Variants in CCSER1 observed in about 807,000 individuals in gnomAD.
The protein encoded by CCSER1 is coiled-coil serine rich protein 1, also known as serine-rich coiled-coil domain-containing protein 1.
A neutral mutation model predicts 82.0 loss-of-function variants in CCSER1; 41 were observed. That is an observed-to-expected ratio of 0.50 (90% CI 0.39 to 0.65). CCSER1 has a LOEUF of 0.65. CCSER1 is among the 30% of genes least tolerant of loss of function. The probability of loss-of-function intolerance (pLI) is 0.00; values close to 1 mark genes in which losing one functional copy is unlikely to be tolerated. For synonymous variants in CCSER1, 414 were observed against 383.9 expected, an observed-to-expected ratio of 1.08 and a Z score of -0.92; for missense variants, 1,119 against 1,064.2, an observed-to-expected ratio of 1.05 and a Z score of -0.72.
At chr4:90,808,312 A>G (rs1425506958) in intron 7 of CCSER1, among the ~76,000 whole-genome samples, 1 of 152,134 alleles carries the variant, frequency 6.6e-6, no homozygotes, top group East Asian at 1.9e-4. Context: ...AAGAGAAACG[A>G]TTCTGGACAT....
intron 7 of CCSER1, among the ~76,000 whole-genome samples, chr4:90,730,198 A>G (rs900437042): frequency 6.6e-6 from 1 of 152,240 alleles, no homozygotes; most frequent in Admixed American, 6.5e-5. Context: ...TCTGAAAGAC[A>G]GAAGCCAAAT....
chr4:90,218,258 A>T (rs1480434359), intron 1 of CCSER1, among the ~76,000 whole-genome samples: 1 of 152,170 alleles, frequency 6.6e-6, no homozygotes, highest in Non-Finnish European at 1.5e-5. Flanking sequence ...AACCAACCTT[A>T]CATCTCAGGA....
intron 10 of CCSER1, among the ~76,000 whole-genome samples, chr4:91,094,302 G>C (rs1724278180): frequency 6.6e-6 from 1 of 152,178 alleles, no homozygotes; most frequent in South Asian, 2.1e-4. Flanking sequence ...CCTGACCCCG[G>C]ATCTTCCCAC....
chr4:90,151,980 C>T (rs979728103), intron 1 of CCSER1, among the ~76,000 whole-genome samples: 7 of 152,072 alleles, frequency 4.6e-5, no homozygotes, highest in Admixed American at 2.0e-4. Flanking sequence ...TTATCTCCAG[C>T]TCTATTAAGT....
intron 3 of CCSER1, among the ~76,000 whole-genome samples, chr4:90,382,336 T>C (rs1188588548): frequency 1.3e-5 from 2 of 152,078 alleles, no homozygotes; most frequent in Non-Finnish European, 2.9e-5. Context: ...GTTTGTTTTA[T>C]TTTAGAGTAT....
intron 7 of CCSER1, among the ~76,000 whole-genome samples, chr4:90,731,520 T>C (rs1213990389): frequency 6.6e-6 from 1 of 152,188 alleles, no homozygotes. Context: ...TTTAGAAATA[T>C]GATTCATTAA....
intron 5 of CCSER1, among the ~76,000 whole-genome samples, chr4:90,530,433 A>G (rs553251061): frequency 2.0e-5 from 3 of 152,112 alleles, no homozygotes; most frequent in Non-Finnish European, 4.4e-5. Flanking sequence ...AAAAGTACAG[A>G]GATTGTTGCA....
At chr4:90,337,920 C>G (rs190121485) in intron 3 of CCSER1, among the ~76,000 whole-genome samples, 1 of 152,250 alleles carries the variant, frequency 6.6e-6, no homozygotes, top group Non-Finnish European at 1.5e-5. Context: ...TTCATTCAAT[C>G]TGGTGCAATA....
intron 1 of CCSER1, among the ~76,000 whole-genome samples, chr4:90,224,510 G>A (rs1464128693): frequency 6.6e-6 from 1 of 152,036 alleles, no homozygotes; most frequent in Non-Finnish European, 1.5e-5. Flanking sequence ...TGTGTTTATC[G>A]TTTGCTATCC....
At chr4:91,309,326 G>A (rs1745284699) in intron 10 of CCSER1, among the ~76,000 whole-genome samples, 3 of 146,858 alleles carry the variant, frequency 2.0e-5, no homozygotes, top group Admixed American at 7.0e-5. Context: ...TCTTCAAGGA[G>A]GCCACTGATG....
At chr4:90,584,661 C>T (rs1330662329) in intron 5 of CCSER1, among the ~76,000 whole-genome samples, 1 of 152,032 alleles carries the variant, frequency 6.6e-6, no homozygotes, top group East Asian at 1.9e-4. Flanking sequence ...ATAAATTTAG[C>T]CAGGAAAATA....
At chr4:91,272,901 C>CT (rs764750758) in intron 10 of CCSER1, among the ~76,000 whole-genome samples, 13 of 152,038 alleles carry the variant, frequency 8.6e-5, no homozygotes, top group East Asian at 1.9e-4. Flanking sequence ...GATTGGTTGG[C>CT]TGTAAGTATT....
intron 8 of CCSER1, among the ~76,000 whole-genome samples, chr4:90,902,126 T>C (rs1231837439): frequency 6.6e-6 from 1 of 151,900 alleles, no homozygotes; most frequent in Non-Finnish European, 1.5e-5. Context: ...TTTTCAATAC[T>C]ATAAGTTCTA....
At chr4:91,513,483 A>T (rs1434759375) in intron 10 of CCSER1, among the ~76,000 whole-genome samples, 6 of 151,994 alleles carry the variant, frequency 3.9e-5, no homozygotes, top group Non-Finnish European at 8.8e-5. Context: ...TTGTAGAATG[A>T]GTTAGGGAGA....
intron 10 of CCSER1, among the ~76,000 whole-genome samples, chr4:91,507,228 C>T (rs183521940): frequency 2.2e-3 from 333 of 152,124 alleles, no homozygotes; most frequent in African/African-American, 7.5e-3. Flanking sequence ...GTGACTGCCA[C>T]ATTTTAAAAT....
rs528194504 is a variant in CCSER1, at chr4:90,570,832, A to T, written c.1725-57193A>T. Among the ~76,000 whole-genome samples, 15 of 152,210 alleles carry T rather than the reference A, an allele frequency of 9.9e-5. No individual in the cohort carries two copies. In the East Asian group the frequency reaches 2.9e-3, roughly 29 times the overall value. The stretch of plus-strand genomic sequence containing the variant: ...CTTAAATGCCATCTACTGGACTGAC[A>T]CTTGAATTATACCACCAAACAAAAA... On this transcript the variant is annotated intron_variant, in intron 5 of 10. Coordinates refer to ENST00000509176, the MANE Select transcript of CCSER1 (RefSeq NM_001145065.2).
At chr4:91,367,101 C>T (rs867491892) in intron 10 of CCSER1, among the ~76,000 whole-genome samples, 10 of 135,732 alleles carry the variant, frequency 7.4e-5, no homozygotes, top group Middle Eastern at 8.6e-3. Context: ...TGAGACCATC[C>T]TGGGCAACAT....
intron 10 of CCSER1, among the ~76,000 whole-genome samples, chr4:91,479,366 A>G (rs1023438188): frequency 1.3e-5 from 2 of 151,996 alleles, no homozygotes; most frequent in African/African-American, 4.8e-5. Flanking sequence ...TTGGCATAAA[A>G]TATTTACAAC....
intron 10 of CCSER1, among the ~76,000 whole-genome samples, chr4:91,440,729 T>G (rs1755065026): frequency 6.6e-6 from 1 of 152,030 alleles, no homozygotes; most frequent in South Asian, 2.1e-4. Flanking sequence ...CTAGCAAGAC[T>G]AATAAAGAAG....
Sources: gnomAD v4.1 joint callset for allele counts (sites outside exome capture counted in the v4.1 genomes callset) on GRCh38, gnomAD v4.1.1 for gene constraint, MANE v1.5 for transcripts, NCBI Gene and HGNC (gene_info 2026-07-23, HGNC 2026-07-21) for gene names.